MAP2K5: variants seen among roughly 807,000 people sequenced by gnomAD.
The protein encoded by MAP2K5 is mitogen-activated protein kinase kinase 5.
MAP2K5 carries 49 observed loss-of-function variants against 83.1 expected under a neutral mutation model. The observed-to-expected ratio is 0.59, with a 90% CI of 0.47 to 0.75. MAP2K5 has a LOEUF of 0.75. Ranked by LOEUF, MAP2K5 falls within the 30% of genes least tolerant of loss-of-function variation. The pLI is 0.00. For synonymous variants in MAP2K5, 202 were observed against 191.8 expected (o/e 1.05, Z -0.44); for missense variants, 457 against 557.5 (o/e 0.82, Z 1.82).
intron 13 of MAP2K5, among the ~76,000 whole-genome samples, chr15:67,681,571 A>T (rs6494688): frequency 6.6e-6 from 1 of 152,238 alleles, no homozygotes; most frequent in Non-Finnish European, 1.5e-5. Context: ...GAGCCACTTT[A>T]CATTGTGCCT....
At chr15:67,564,276 T>C (rs1307312848) in intron 3 of MAP2K5, among the ~76,000 whole-genome samples, 1 of 152,144 alleles carries the variant, frequency 6.6e-6, no homozygotes, top group Non-Finnish European at 1.5e-5. Flanking sequence ...AATGATCAAA[T>C]AGAAGAATAG....
In MAP2K5 at chr15:67,801,398, T is replaced by A. The variant is rs1358908642; in HGVS notation, c.1243-5248T>A. 6.6e-6 allele frequency among the ~76,000 whole-genome samples: 1 copy of A among 152,180 alleles called. No homozygotes were observed. Among genetic ancestry groups the A allele is most frequent in the Non-Finnish European group, 1.5e-5 (1 of 68,028 alleles). ...ACAGGTTCATGAGTCCTTGGCCTCC[T>A]ATCCCATGCAGCATCCTTGGTGGGA... On this transcript the variant is annotated intron_variant, in intron 21 of 21. Transcript: ENST00000178640. The surrounding 1 kb of genome is among the most constrained non-coding windows in gnomAD (Gnocchi z 4.8).
chr15:67,694,547 A>G (rs886757524), intron 15 of MAP2K5, among the ~76,000 whole-genome samples: 6 of 152,150 alleles, frequency 3.9e-5, no homozygotes, highest in South Asian at 4.1e-4. Flanking sequence ...TACAAATCAA[A>G]ACCACAATGA....
At chr15:67,800,512 A>G (rs987060593) in intron 21 of MAP2K5, among the ~76,000 whole-genome samples, 3 of 152,198 alleles carry the variant, frequency 2.0e-5, no homozygotes, top group African/African-American at 4.8e-5. Context: ...TGCCTTCCCA[A>G]CTTAGGCATC....
intron 7 of MAP2K5, among the ~76,000 whole-genome samples, chr15:67,600,465 A>G (rs1457680927): frequency 6.6e-6 from 1 of 152,184 alleles, no homozygotes; most frequent in African/African-American, 2.4e-5. Context: ...CTTTAATGAA[A>G]TGACCCAGGC....
chr15:67,600,545 CGTT>C (rs2085633524), intron 7 of MAP2K5, 137 bp from the exon 8 acceptor site: 2 of 647,642 alleles, frequency 3.1e-6, no homozygotes, highest in Non-Finnish European at 5.4e-6. Flanking sequence ...GGACAGCAAA[CGTT>C]GTATTGATCT....
intron 16 of MAP2K5, among the ~76,000 whole-genome samples, chr15:67,721,262 T>C (rs553160874): frequency 6.6e-6 from 1 of 152,194 alleles, no homozygotes; most frequent in Non-Finnish European, 1.5e-5. Flanking sequence ...CAGAACCTTC[T>C]GAATGGTAGA....
chr15:67,737,982 GC>G, intron 17 of MAP2K5, among the ~76,000 whole-genome samples: 1 of 148,396 alleles, frequency 6.7e-6, no homozygotes, highest in South Asian at 2.2e-4. Context: ...CTCCCGAGTA[GC>G]TGGGATTATA....
chr15:67,566,107 G>A (rs1328370349), intron 3 of MAP2K5, among the ~76,000 whole-genome samples: 1 of 152,162 alleles, frequency 6.6e-6, no homozygotes. Flanking sequence ...TAAAGGCATA[G>A]GGAAGATACT....
intron 19 of MAP2K5, among the ~76,000 whole-genome samples, chr15:67,761,610 T>C (rs1364238649): frequency 6.6e-6 from 1 of 152,202 alleles, no homozygotes; most frequent in Non-Finnish European, 1.5e-5. Flanking sequence ...GGATTTACAG[T>C]GAGTTCTCAG....
At chr15:67,680,489 A>T (rs112722775) in intron 13 of MAP2K5, among the ~76,000 whole-genome samples, 1,525 of 152,314 alleles carry the variant, frequency 0.01, 29 homozygotes, top group African/African-American at 0.035. Flanking sequence ...TTTGTTAAAG[A>T]GTGACCACAT....
chr15:67,650,188 C>A (rs1229886893), intron 11 of MAP2K5, among the ~76,000 whole-genome samples: 1 of 152,058 alleles, frequency 6.6e-6, no homozygotes, highest in Non-Finnish European at 1.5e-5. Context: ...TGCAACCTTG[C>A]TGAACTTGTT....
intron 8 of MAP2K5, among the ~76,000 whole-genome samples, chr15:67,621,537 G>A (rs2086187522): frequency 6.6e-6 from 1 of 151,180 alleles, no homozygotes; most frequent in East Asian, 1.9e-4. Context: ...AAATATAGCA[G>A]TGAGAAGCAG....
chr15:67,554,335 A>T (rs975771937), intron 2 of MAP2K5, among the ~76,000 whole-genome samples: 2 of 152,232 alleles, frequency 1.3e-5, no homozygotes, highest in Admixed American at 6.5e-5. Flanking sequence ...TTGGGATTAC[A>T]GGTGTGAGCC....
chr15:67,624,778 C>T (rs2086277258), intron 8 of MAP2K5, among the ~76,000 whole-genome samples: 1 of 112,928 alleles, frequency 8.9e-6, no homozygotes, highest in Non-Finnish European at 2.0e-5. Flanking sequence ...TACAGGCATC[C>T]GCCACCAGGC....
chr15:67,564,420 G>A (rs1373730442), intron 3 of MAP2K5, among the ~76,000 whole-genome samples: 1 of 152,190 alleles, frequency 6.6e-6, no homozygotes, highest in Non-Finnish European at 1.5e-5. Flanking sequence ...CAGTTAGGTT[G>A]TAGGTTTTTG....
rs1233561352 is a variant in MAP2K5 at position 67,683,283 on chromosome 15, G to C, written c.848-9196G>C. ...AGAGATAACAAAATTTAAATTAGGG[G>C]AGCTGTCCTTAACCCAAGATTTAAA... On this transcript the variant is annotated intron_variant, in intron 13 of 21. Coordinates refer to ENST00000178640, the MANE Select transcript of MAP2K5 (RefSeq NM_145160.3). Among the ~76,000 whole-genome samples, 7 of 152,120 alleles carry C rather than the reference G, an allele frequency of 4.6e-5. No homozygotes were observed. The South Asian group carries it at 1.2e-3, about 27-fold the overall frequency.
intron 4 of MAP2K5, among the ~76,000 whole-genome samples, chr15:67,582,297 T>G (rs1197032447): frequency 6.6e-6 from 1 of 152,074 alleles, no homozygotes; most frequent in Non-Finnish European, 1.5e-5. Context: ...CCTGACCTCA[T>G]GATCCACTCC....
chr15:67,647,478 G>C (rs1220407345), intron 11 of MAP2K5, among the ~76,000 whole-genome samples: 1 of 152,150 alleles, frequency 6.6e-6, no homozygotes, highest in Non-Finnish European at 1.5e-5. Flanking sequence ...AGGGCACGGT[G>C]GTTCACGCAT....
Sources: allele counts gnomAD v4.1 joint callset (sites outside exome capture counted in the v4.1 genomes callset), GRCh38; gene constraint gnomAD v4.1.1; non-coding constraint Gnocchi (gnomAD v3.1); transcripts MANE v1.5; gene names NCBI Gene and HGNC (gene_info 2026-07-23, HGNC 2026-07-21).